The following TFEB variants were observed in gnomAD, a reference collection of about 807,000 sequenced individuals.
TFEB encodes T-cell transcription factor EB.
A neutral mutation model predicts 48.0 loss-of-function variants in TFEB; 12 were observed. The observed-to-expected ratio is 0.25, with a 90% CI of 0.16 to 0.40. The LOEUF is 0.40. Ranked by LOEUF, TFEB falls within the 10% of genes least tolerant of loss-of-function variation. The pLI is 1.00. For missense variants in TFEB, 509 were observed against 640.3 expected (o/e 0.79, Z 2.21); for synonymous variants, 244 against 261.4 (o/e 0.93, Z 0.64).
intron 1 of TFEB, 175 bp downstream of exon 1, chr6:41,735,175 C>T: frequency 1.1e-6 from 1 of 917,180 alleles, no homozygotes; most frequent in Non-Finnish European, 1.3e-6. Context: ...ACGCGCTGGG[C>T]GCCCGGGGGC....
intron 1 of TFEB, among the ~76,000 whole-genome samples, chr6:41,704,193 C>T (rs1003866357): frequency 1.3e-5 from 2 of 152,220 alleles, no homozygotes; most frequent in East Asian, 1.9e-4. Context: ...GAGCCTCTGA[C>T]CCCGCCTCCA....
intron 4 of TFEB, among the ~76,000 whole-genome samples, chr6:41,688,776 C>A (rs910325325): frequency 6.6e-6 from 1 of 152,190 alleles, no homozygotes; most frequent in African/African-American, 2.4e-5. Context: ...CAACCAGTCC[C>A]GGCCAGCTCC....
intron 7 of TFEB, 189 bp from the exon 8 acceptor site, chr6:41,686,426 C>G: frequency 3.3e-6 from 2 of 607,736 alleles, no homozygotes; most frequent in East Asian, 2.8e-5. Context: ...TTGCCACTGC[C>G]CACTTCATTA....
At chr6:41,696,651 G>A (rs1769601704) in intron 1 of TFEB, among the ~76,000 whole-genome samples, 1 of 152,088 alleles carries the variant, frequency 6.6e-6, no homozygotes, top group South Asian at 2.1e-4. Context: ...CCGAGATCAT[G>A]CCACTGCACT....
intron 1 of TFEB, among the ~76,000 whole-genome samples, chr6:41,714,701 C>T (rs539966629): frequency 9.1e-4 from 138 of 152,278 alleles, no homozygotes; most frequent in African/African-American, 1.7e-3. Context: ...CCCGAGGGTG[C>T]GGGGAGACTG....
At chr6:41,705,743 C>G (rs1163824950) in intron 1 of TFEB, 1 of 152,316 alleles carries the variant, frequency 6.6e-6, no homozygotes, top group East Asian at 1.9e-4. Flanking sequence ...GGCCAGAATC[C>G]CAAGCAGGCC....
At chr6:41,702,344 G>C (rs566341204) in intron 1 of TFEB, among the ~76,000 whole-genome samples, 1 of 152,316 alleles carries the variant, frequency 6.6e-6, no homozygotes, top group East Asian at 1.9e-4. Context: ...GGAGGGGGCG[G>C]AAGGGGAGGC....
chr6:41,700,262 G>T (rs569397961), intron 1 of TFEB, among the ~76,000 whole-genome samples: 94 of 152,144 alleles, frequency 6.2e-4, no homozygotes, highest in African/African-American at 2.1e-3. Flanking sequence ...GTCAAGAGAT[G>T]GAGACCATCC....
intron 1 of TFEB, among the ~76,000 whole-genome samples, chr6:41,708,650 G>C (rs150606635): frequency 6.6e-6 from 1 of 152,210 alleles, no homozygotes; most frequent in Non-Finnish European, 1.5e-5. Context: ...CTCCCTGGGG[G>C]AGCCTCCCAA....
chr6:41,715,122 G>A (rs574746110), intron 1 of TFEB, among the ~76,000 whole-genome samples: 18 of 152,196 alleles, frequency 1.2e-4, no homozygotes, highest in Non-Finnish European at 1.8e-4. Flanking sequence ...CCTCCCCCAC[G>A]CTCCCAGATA....
intron 1 of TFEB, among the ~76,000 whole-genome samples, chr6:41,705,231 C>A (rs527442171): frequency 6.6e-6 from 1 of 152,302 alleles, no homozygotes; most frequent in East Asian, 1.9e-4. Context: ...GGTCTAGGAG[C>A]CCACTCTCTC....
intron 1 of TFEB, chr6:41,733,543 A>C (rs1771538202): frequency 1.1e-6 from 1 of 896,268 alleles, no homozygotes; most frequent in Non-Finnish European, 1.3e-6. Flanking sequence ...TCTGCCCTTC[A>C]TTTACACCCT....
At chr6:41,713,601 C>T (rs911751171) in intron 1 of TFEB, among the ~76,000 whole-genome samples, 1 of 152,104 alleles carries the variant, frequency 6.6e-6, no homozygotes, top group Admixed American at 6.5e-5. Flanking sequence ...CGGTCTGAGG[C>T]GAGGAAGGAG....
At chr6:41,697,260 T>C (rs564653589) in intron 1 of TFEB, among the ~76,000 whole-genome samples, 32 of 151,578 alleles carry the variant, frequency 2.1e-4, no homozygotes, top group South Asian at 6.3e-4. Flanking sequence ...ATACAAAAAT[T>C]AGCCAGGTGT....
chr6:41,687,717 A>C (rs1769082577), intron 6 of TFEB, 36 bp downstream of exon 6: 1 of 1,613,706 alleles, frequency 6.2e-7, no homozygotes. Context: ...AGAACAAGGA[A>C]GAGGGAGGCA....
chr6:41,690,151 G>A (rs1323209567), intron 3 of TFEB, among the ~76,000 whole-genome samples: 1 of 149,374 alleles, frequency 6.7e-6, no homozygotes, highest in East Asian at 1.9e-4. Flanking sequence ...TTTTTTTCGA[G>A]AAGGAGTCTC....
At chr6:41,700,076 T>A (rs999748488) in intron 1 of TFEB, among the ~76,000 whole-genome samples, 48 of 152,160 alleles carry the variant, frequency 3.2e-4, no homozygotes, top group African/African-American at 1.1e-3. Context: ...TCATGCAGGA[T>A]GTGGTCTTCA....
intron 6 of TFEB, 31 bp downstream of exon 6, chr6:41,687,722 G>C: frequency 6.2e-7 from 1 of 1,613,960 alleles, no homozygotes; most frequent in Non-Finnish European, 8.5e-7. Flanking sequence ...AAGGAAGAGG[G>C]AGGCAGGGAG....
At chr6:41,731,136 T>C (rs1771432278) in intron 1 of TFEB, among the ~76,000 whole-genome samples, 1 of 152,202 alleles carries the variant, frequency 6.6e-6, no homozygotes. Flanking sequence ...GTACTACATG[T>C]GCATCAATAT....
Sources: allele counts gnomAD v4.1 joint callset (sites outside exome capture counted in the v4.1 genomes callset), GRCh38; gene constraint gnomAD v4.1.1; transcripts MANE v1.5; gene names NCBI Gene and HGNC (gene_info 2026-07-23, HGNC 2026-07-21).